Variants in EDIL3 observed in about 807,000 individuals in gnomAD.
EDIL3 encodes EGF-like repeat and discoidin I-like domain-containing protein 3.
Under a neutral mutation model 67.4 loss-of-function variants are expected in EDIL3, and 37 were observed. The observed-to-expected ratio is 0.55, with a 90% confidence interval of 0.42 to 0.72. The LOEUF (loss-of-function observed/expected upper bound fraction) is 0.72, where lower values mean the gene tolerates loss of function less well. Ranked by LOEUF, EDIL3 falls within the 30% of genes least tolerant of loss-of-function variation. The pLI is 0.00. For synonymous variants in EDIL3, 195 were observed against 196.3 expected, an observed-to-expected ratio of 0.99 and a Z score of 0.05; for missense variants, 527 against 586.3, an observed-to-expected ratio of 0.90 and a Z score of 1.04.
intron 1 of EDIL3, among the ~76,000 whole-genome samples, chr5:84,286,924 C>T (rs1266458525): frequency 3.9e-5 from 6 of 152,160 alleles, no homozygotes; most frequent in East Asian, 3.8e-4. Flanking sequence ...TTGGGCCAGA[C>T]ACAGTATCTC....
At chr5:84,302,683 A>T (rs1337542691) in intron 1 of EDIL3, among the ~76,000 whole-genome samples, 2 of 152,184 alleles carry the variant, frequency 1.3e-5, no homozygotes, top group Non-Finnish European at 2.9e-5. Context: ...ATGTCCATGA[A>T]ATGTTATTTC....
At chr5:83,989,989 T>A (rs767204118) in intron 9 of EDIL3, among the ~76,000 whole-genome samples, 18 of 152,114 alleles carry the variant, frequency 1.2e-4, no homozygotes, top group Non-Finnish European at 1.5e-4. Context: ...TAAATAAATT[T>A]TGCCAACACT....
intron 4 of EDIL3, among the ~76,000 whole-genome samples, chr5:84,170,436 G>A (rs1467787326): frequency 2.0e-5 from 3 of 152,210 alleles, no homozygotes; most frequent in African/African-American, 7.2e-5. Context: ...ACCATTAGCA[G>A]AGAACGGAGT....
intron 3 of EDIL3, among the ~76,000 whole-genome samples, chr5:84,201,593 C>T (rs1379875659): frequency 6.6e-6 from 1 of 150,776 alleles, no homozygotes; most frequent in Non-Finnish European, 1.5e-5. Context: ...TATTAGTAAA[C>T]TGATACTGGG....
At chr5:84,231,954 A>G (rs1744588700) in intron 2 of EDIL3, among the ~76,000 whole-genome samples, 1 of 152,212 alleles carries the variant, frequency 6.6e-6, no homozygotes. Context: ...AAAGCAACCA[A>G]TGAGATGAAA....
chr5:84,085,000 T>C (rs920294287), intron 6 of EDIL3, among the ~76,000 whole-genome samples: 1 of 152,220 alleles, frequency 6.6e-6, no homozygotes, highest in East Asian at 1.9e-4. Flanking sequence ...CCTAATAACA[T>C]AATCAGGGTA....
intron 10 of EDIL3, among the ~76,000 whole-genome samples, chr5:83,958,760 T>C (rs1744557658): frequency 6.6e-6 from 1 of 151,444 alleles, no homozygotes; most frequent in African/African-American, 2.4e-5. Flanking sequence ...CTGAAAGTGT[T>C]TGTCAAGTTT....
At chr5:84,171,486 CA>C (rs1748810357) in intron 4 of EDIL3, among the ~76,000 whole-genome samples, 1 of 152,080 alleles carries the variant, frequency 6.6e-6, no homozygotes, top group Non-Finnish European at 1.5e-5. Flanking sequence ...AAAGTTGTTG[CA>C]GGGGGTGGAT....
chr5:84,349,292 T>C (rs1220923276), intron 1 of EDIL3, among the ~76,000 whole-genome samples: 1 of 152,144 alleles, frequency 6.6e-6, no homozygotes, highest in Non-Finnish European at 1.5e-5. Context: ...GTTCCATGTG[T>C]GTTCTCTGGC....
At chr5:84,273,123 G>A (rs1056463795) in intron 1 of EDIL3, among the ~76,000 whole-genome samples, 1 of 152,118 alleles carries the variant, frequency 6.6e-6, no homozygotes, top group East Asian at 1.9e-4. Context: ...ATGATATCCA[G>A]AAGAAGTCAG....
rs550106230 is a variant in EDIL3, at chr5:84,265,806, A to G, written c.68-11594T>C. ...TTCAGATTTAATGGCTATATGGCCA[A>G]TGCGTTTCCTTAATGTATGGGAGTT... On this transcript the variant is annotated intron_variant, in intron 1 of 10. Transcript: ENST00000296591. Among the ~76,000 whole-genome samples the G allele has an allele frequency of 4.6e-5, 7 of 152,354 alleles. No individual in the cohort carries two copies. In the East Asian group the frequency reaches 9.6e-4, roughly 21 times the overall value.
chr5:84,209,354 A>G (rs1248749595), intron 3 of EDIL3, among the ~76,000 whole-genome samples: 1 of 152,192 alleles, frequency 6.6e-6, no homozygotes, highest in Non-Finnish European at 1.5e-5. Flanking sequence ...GTGCACATGT[A>G]CCCTAAAACT....
intron 9 of EDIL3, among the ~76,000 whole-genome samples, chr5:84,056,006 C>A (rs1473431084): frequency 1.3e-5 from 2 of 152,122 alleles, no homozygotes; most frequent in African/African-American, 2.4e-5. Context: ...AAGACACATG[C>A]ACACGTATGT....
intron 1 of EDIL3, among the ~76,000 whole-genome samples, chr5:84,374,297 T>C (rs937136976): frequency 2.0e-5 from 3 of 151,914 alleles, no homozygotes; most frequent in African/African-American, 4.8e-5. Flanking sequence ...TCAGAACATA[T>C]AGATTCAAAT....
At chr5:84,145,275 T>C (rs1000688410) in intron 4 of EDIL3, among the ~76,000 whole-genome samples, 2 of 151,702 alleles carry the variant, frequency 1.3e-5, no homozygotes, top group Non-Finnish European at 2.9e-5. Context: ...TGAGCAGGAG[T>C]TTTTATAGCT....
chr5:84,376,474 G>A (rs1269769584), intron 1 of EDIL3, among the ~76,000 whole-genome samples: 1 of 152,150 alleles, frequency 6.6e-6, no homozygotes, highest in African/African-American at 2.4e-5. Flanking sequence ...TTTAATTGAA[G>A]GTTCATAACA....
intron 6 of EDIL3, among the ~76,000 whole-genome samples, chr5:84,092,222 C>A (rs896427999): frequency 6.6e-6 from 1 of 152,058 alleles, no homozygotes. Context: ...CAAGTTGTTA[C>A]CTTCAATCAA....
At chr5:84,360,857 A>G (rs1445768778) in intron 1 of EDIL3, among the ~76,000 whole-genome samples, 1 of 152,212 alleles carries the variant, frequency 6.6e-6, no homozygotes, top group Admixed American at 6.5e-5. Context: ...ATCATTTCCA[A>G]TAATCCAAGC....
rs1026221832 is a variant in EDIL3, at chr5:84,339,095, G to A, written c.67+45213C>T. On this transcript the variant is annotated intron_variant, in intron 1 of 10. Coordinates refer to ENST00000296591, the MANE Select transcript of EDIL3 (RefSeq NM_005711.5). Reference sequence around the variant, plus strand: ...TAACAAGGACTTCACTTTTCTATACGTACCAGATGCTATTTATCATCACAG... The same window carrying A: ...TAACAAGGACTTCACTTTTCTATACATACCAGATGCTATTTATCATCACAG... Among the ~76,000 whole-genome samples the A allele has an allele frequency of 4.6e-5, 7 of 151,700 alleles. No individual in the cohort carries two copies. In the East Asian group the frequency reaches 5.8e-4, roughly 13 times the overall value.
Sources: gnomAD v4.1 joint callset for allele counts (sites outside exome capture counted in the v4.1 genomes callset) on GRCh38, gnomAD v4.1.1 for gene constraint, MANE v1.5 for transcripts, NCBI Gene and HGNC (gene_info 2026-07-23, HGNC 2026-07-21) for gene names.